Variants in GOLGB1 observed in about 807,000 individuals in gnomAD.
GOLGB1 encodes the protein golgin B1.
Under a neutral mutation model 336.9 loss-of-function variants are expected in GOLGB1, and 174 were observed. The ratio of observed to expected loss-of-function variants is 0.52; its 90% CI spans 0.46 to 0.59. The LOEUF (loss-of-function observed/expected upper bound fraction) is 0.59, where lower values mean the gene tolerates loss of function less well. Ranked by LOEUF, GOLGB1 falls within the 20% of genes least tolerant of loss-of-function variation. The probability of loss-of-function intolerance (pLI) is 0.00; values close to 1 mark genes in which losing one functional copy is unlikely to be tolerated. For missense variants in GOLGB1, 3,331 were observed against 3,645.3 expected (o/e 0.91, Z 2.22); for synonymous variants, 1,208 against 1,289.2 (o/e 0.94, Z 1.35).
intron 4 of GOLGB1, among the ~76,000 whole-genome samples, chr3:121,728,803 A>C (rs1310001287): frequency 1.3e-5 from 2 of 152,224 alleles, no homozygotes; most frequent in Non-Finnish European, 2.9e-5. Context: ...TAAGTCATTG[A>C]ATTAAAAAGT....
chr3:121,743,929 GA>G (rs888689808), intron 1 of GOLGB1, among the ~76,000 whole-genome samples: 1 of 152,090 alleles, frequency 6.6e-6, no homozygotes, highest in Non-Finnish European at 1.5e-5. Context: ...ACTAGATACT[GA>G]AAAATATTAT....
At chr3:121,712,538 G>A (rs1944433172) in intron 10 of GOLGB1, among the ~76,000 whole-genome samples, 1 of 151,982 alleles carries the variant, frequency 6.6e-6, no homozygotes, top group Non-Finnish European at 1.5e-5. Context: ...CCACAGCATG[G>A]GAGAAAATAT....
In GOLGB1 at chr3:121,698,126, G is replaced by A. The variant is rs995383959; in HGVS notation, c.2397C>T (p.Leu799=). 1.9e-6 allele frequency: 3 copies of A among 1,613,698 alleles called. No homozygotes were observed. Among genetic ancestry groups the A allele is most frequent in the Non-Finnish European group, 2.5e-6 (3 of 1,179,918 alleles). Residue 799 remains leucine, a synonymous_variant, in exon 13 of 22, where the codon CTC becomes CTT. Transcript: ENST00000614479. ...YESQTAHDNL[L]TEQIHSLSIE... ...TGCTGAGACTATGGATCTGTTCAGT[G>A]AGCAGGTTGTCATGGGCAGTTTGGC...
intron 10 of GOLGB1, among the ~76,000 whole-genome samples, chr3:121,707,239 A>AC (rs1943954841): frequency 6.6e-6 from 1 of 151,244 alleles, no homozygotes; most frequent in East Asian, 1.9e-4. Flanking sequence ...AAAAAAAAAA[A>AC]AAACAAAAAT....
rs779774861 is a variant in GOLGB1, at chr3:121,667,212, T to C, written c.9554+264A>G. Among the ~76,000 whole-genome samples, 154 of 152,234 alleles carry C rather than the reference T, an allele frequency of 1.0e-3. 2 individuals carry two copies. Among genetic ancestry groups the C allele is most frequent in the Middle Eastern group, 3.2e-3 (1 of 316 alleles). The stretch of plus-strand genomic sequence containing the variant: ...ACCCAACACCTACCTCATATAGTTA[T>C]GGTTAGGGTGAAATAAAATATCTTT... On this transcript the variant is annotated intron_variant, in intron 20 of 21. Coordinates refer to ENST00000614479, the MANE Select transcript of GOLGB1 (RefSeq NM_001366282.2).
chr3:121,692,160 C>G lies in GOLGB1; in HGVS notation c.7204G>C (p.Val2402Leu), dbSNP rs1337900266. The change falls in exon 14 of 22, where the codon GTA becomes CTA. Residue 2402 changes from valine (V) to leucine (L), a missense_variant. Transcript: ENST00000614479. Reference protein sequence around the residue: ...LLSGKEEAIQVAIAELRQQHD... With the variant: ...LLSGKEEAIQLAIAELRQQHD... Reference sequence around the variant, plus strand: ...TGCTGACGCAGTTCAGCAATAGCTACTTGGATTGCCTCTTCCTTGCCAGAA... The same window carrying G: ...TGCTGACGCAGTTCAGCAATAGCTAGTTGGATTGCCTCTTCCTTGCCAGAA... 6.2e-7 allele frequency: 1 copy of G among 1,607,372 alleles called. No individual in the cohort carries two copies. Among genetic ancestry groups the G allele is most frequent in the Admixed American group, 1.7e-5 (1 of 58,242 alleles).
Position 121,667,516 on chromosome 3 carries a change from C to A in GOLGB1, c.9514G>T (p.Ala3172Ser). ...TCGGCCACAGAGAGAGCATTCTCAG[C>A]AGCCACTCTTTGGTCTCGTTCTTCT... is the stretch of plus-strand genomic sequence containing the variant. ...LEEERDQRVA[A>S]ENALSVAEEQ... The change falls in exon 20 of 22, where the codon GCT (alanine) becomes TCT (serine). Residue 3172 changes from alanine (A) to serine (S), a missense_variant. Coordinates refer to ENST00000614479, the MANE Select transcript of GOLGB1 (RefSeq NM_001366282.2). The A allele has an allele frequency of 1.2e-6, 2 of 1,614,116 alleles. No homozygotes were observed. The highest frequency in any genetic ancestry group is 1.7e-6 in the Non-Finnish European group (2 of 1,179,944).
At chr3:121,747,698 T>G (rs73855426) in intron 1 of GOLGB1, among the ~76,000 whole-genome samples, 2 of 152,134 alleles carry the variant, frequency 1.3e-5, no homozygotes, top group African/African-American at 4.8e-5. Flanking sequence ...ATGTGCTTTA[T>G]TATGATCAGA....
At chr3:121,736,963 A>C (rs183553285) in intron 1 of GOLGB1, among the ~76,000 whole-genome samples, 95 of 152,334 alleles carry the variant, frequency 6.2e-4, no homozygotes, top group Non-Finnish European at 3.4e-4. Flanking sequence ...AAACACAATA[A>C]GGACATTACT....
chr3:121,664,298 G>T lies in GOLGB1; in HGVS notation c.*182C>A. 3.2e-6 allele frequency: 2 copies of T among 615,642 alleles called. No individual in the cohort carries two copies. Among genetic ancestry groups the T allele is most frequent in the Non-Finnish European group, 2.9e-6 (1 of 340,742 alleles). The allele number at this position is 615,642 out of a possible 1,614,324, so 38.1% of individuals were successfully genotyped here. A position where few individuals can be genotyped will look rare whatever the true frequency, so the allele number is the denominator to read the frequency against. On this transcript the variant is annotated 3_prime_UTR_variant, in exon 22 of 22. Transcript: ENST00000614479. ...CAGGGCAGTAGAAGAAAGCAGACTC[G>T]CCAGTCCCTGCAGCTCCAACCTGTC...
chr3:121,739,887 C>T (rs137929283), intron 1 of GOLGB1, among the ~76,000 whole-genome samples: 36 of 152,146 alleles, frequency 2.4e-4, no homozygotes, highest in East Asian at 1.5e-3. Flanking sequence ...TAAAAAGCAA[C>T]GAACTACTGA....
intron 14 of GOLGB1, among the ~76,000 whole-genome samples, chr3:121,688,447 C>G (rs945058738): frequency 2.0e-5 from 3 of 152,266 alleles, no homozygotes; most frequent in African/African-American, 7.2e-5. Context: ...CTCGGCCTCC[C>G]GAGGTGCCGG....
intron 4 of GOLGB1, among the ~76,000 whole-genome samples, chr3:121,727,555 G>T (rs905983679): frequency 6.6e-6 from 1 of 151,692 alleles, no homozygotes; most frequent in African/African-American, 2.4e-5. Flanking sequence ...TAGAAAACCC[G>T]AAGTCTTGTT....
In GOLGB1 at chr3:121,696,351, T is replaced by C; in HGVS notation, c.4172A>G (p.His1391Arg). The C allele has an allele frequency of 1.9e-6, 3 of 1,614,190 alleles. No homozygotes were observed. The highest frequency in any genetic ancestry group is 2.5e-6 in the Non-Finnish European group (3 of 1,180,000). The change falls in exon 13 of 22, where the codon CAT becomes CGT. Residue 1391 changes from histidine (H) to arginine (R), a missense_variant. His to Arg is a conservative substitution (Grantham distance 29). Coordinates refer to ENST00000614479, the MANE Select transcript of GOLGB1 (RefSeq NM_001366282.2). ...SSQLQIAGLE[H>R]LRELQPKLDE... ...CAGTTTAGGTTGCAATTCTCTTAGA[T>C]GTTCTAGGCCAGCAATTTGTAGTTG...
intron 17 of GOLGB1, among the ~76,000 whole-genome samples, chr3:121,671,348 C>T (rs1020802551): frequency 1.3e-5 from 2 of 152,180 alleles, no homozygotes; most frequent in African/African-American, 4.8e-5. Flanking sequence ...GGTAGAAATG[C>T]AGTCATCCCT....
At chr3:121,724,967 A>T (rs1576437171) in intron 5 of GOLGB1, among the ~76,000 whole-genome samples, 2 of 152,304 alleles carry the variant, frequency 1.3e-5, no homozygotes, top group South Asian at 2.1e-4. Flanking sequence ...TAACATCCAC[A>T]TGGTGCTAAT....
rs1944841547 is a variant in GOLGB1, at chr3:121,717,079, C to G, written c.946G>C (p.Glu316Gln). 1 of 1,612,780 alleles carries G rather than the reference C, an allele frequency of 6.2e-7. No homozygotes were observed. ...AEHNTLRNTV[E>Q]TEREESKILL... ...ATCTTGGACTCCTCTCTTTCTGTTT[C>G]CACAGTGTTCCTCAAAGTATTATGC... Residue 316 changes from glutamate to glutamine, a missense_variant, in exon 9 of 22, where the codon GAA becomes CAA. Glu to Gln is a conservative substitution (Grantham distance 29). Coordinates refer to ENST00000614479, the MANE Select transcript of GOLGB1 (RefSeq NM_001366282.2).
chr3:121,696,797 C>T lies in GOLGB1; in HGVS notation c.3726G>A (p.Gln1242=), dbSNP rs1433464077. 14 of 1,614,118 alleles carry T rather than the reference C, an allele frequency of 8.7e-6. No individual in the cohort carries two copies. Among genetic ancestry groups the T allele is most frequent in the Non-Finnish European group, 1.2e-5 (14 of 1,179,976 alleles). ...CGTCTATGGATTCCCTTACTTGAAT[C>T]TGGAGTTGCCTTAGCTGGTCTCCAA... The part of the protein sequence containing the change: ...ENIGDQLRQL[Q]IQVRESIDGK... The change falls in exon 13 of 22, where the codon CAG becomes CAA. Residue 1242 remains glutamine, a synonymous_variant. Coordinates refer to ENST00000614479, the MANE Select transcript of GOLGB1 (RefSeq NM_001366282.2).
At chr3:121,744,983 G>C (rs1333938262) in intron 1 of GOLGB1, among the ~76,000 whole-genome samples, 1 of 152,104 alleles carries the variant, frequency 6.6e-6, no homozygotes, top group Non-Finnish European at 1.5e-5. Context: ...TTAAAATGAA[G>C]ACTAACAAGG....
Sources: allele counts gnomAD v4.1 joint callset (sites outside exome capture counted in the v4.1 genomes callset), GRCh38; gene constraint gnomAD v4.1.1; transcripts MANE v1.5; gene names NCBI Gene and HGNC (gene_info 2026-07-23, HGNC 2026-07-21).